Variants in CNKSR3 observed in about 807,000 individuals in gnomAD.
CNKSR3 encodes the protein CNKSR family member 3.
A neutral mutation model predicts 67.7 loss-of-function variants in CNKSR3; 36 were observed. That is an observed-to-expected ratio of 0.53 (90% CI 0.41 to 0.70). The LOEUF (loss-of-function observed/expected upper bound fraction) is 0.70. Ranked by LOEUF, CNKSR3 falls within the 30% of genes least tolerant of loss-of-function variation. The pLI, the probability that CNKSR3 is intolerant of heterozygous loss-of-function variation, is 0.00. For synonymous variants in CNKSR3, 281 were observed against 271.4 expected, an observed-to-expected ratio of 1.04 and a Z score of -0.35; for missense variants, 630 against 695.2, an observed-to-expected ratio of 0.91 and a Z score of 1.05.
intron 7 of CNKSR3, among the ~76,000 whole-genome samples, chr6:154,426,963 G>A (rs1785268903): frequency 6.6e-6 from 1 of 152,182 alleles, no homozygotes; most frequent in Non-Finnish European, 1.5e-5. Flanking sequence ...AGAATCGTGT[G>A]TTGCATCTTG....
chr6:154,431,432 G>A (rs761451807), intron 5 of CNKSR3, among the ~76,000 whole-genome samples: 17 of 111,928 alleles, frequency 1.5e-4, no homozygotes, highest in Non-Finnish European at 1.8e-4. Context: ...AACAGAGCGA[G>A]ACTCTGTCAA....
At chr6:154,418,389 C>T (rs1776560773) in intron 9 of CNKSR3, among the ~76,000 whole-genome samples, 1 of 152,196 alleles carries the variant, frequency 6.6e-6, no homozygotes, top group South Asian at 2.1e-4. Context: ...TTATCTAAGA[C>T]ACCGCCCTTC....
chr6:154,504,210 C>T (rs533766854), intron 1 of CNKSR3, among the ~76,000 whole-genome samples: 12 of 152,294 alleles, frequency 7.9e-5, no homozygotes, highest in African/African-American at 2.6e-4. Context: ...GGAAAGCTCA[C>T]GAAATTTGCA....
chr6:154,432,189 T>C (rs1359430149), intron 5 of CNKSR3, among the ~76,000 whole-genome samples: 1 of 152,230 alleles, frequency 6.6e-6, no homozygotes, highest in Non-Finnish European at 1.5e-5. Context: ...GTGTTTCATA[T>C]TTTAGCCTAT....
At chr6:154,446,419 G>T (rs1785707575) in intron 2 of CNKSR3, among the ~76,000 whole-genome samples, 1 of 151,612 alleles carries the variant, frequency 6.6e-6, no homozygotes, top group East Asian at 1.9e-4. Context: ...AAGAAATATA[G>T]TTCACAATTT....
At chr6:154,423,217 C>CAGATTAGATT (rs1218843394) in intron 7 of CNKSR3, among the ~76,000 whole-genome samples, 2 of 152,128 alleles carry the variant, frequency 1.3e-5, no homozygotes, top group Non-Finnish European at 2.9e-5. Flanking sequence ...TCTGTTAGAA[C>CAGATTAGATT]AGCCAGGTTC....
rs764342750 is a variant in CNKSR3 at position 154,410,973 on chromosome 6, T to C, written c.1240A>G (p.Ile414Val). 5 of 1,613,680 alleles carry C rather than the reference T, an allele frequency of 3.1e-6. No homozygotes were observed. The Admixed American group carries it at 8.3e-5, about 27-fold the overall frequency. ...QLPGYSVETN[I>V]LPTKMREKTP... ...TTCTCTCTCATTTTTGTGGGCAGAA[T>C]GTTGGTTTCCACCGAGTACCCAGGC... Residue 414 changes from isoleucine to valine, a missense_variant, in exon 11 of 13, where the codon ATT (isoleucine) becomes GTT (valine). Physicochemically the swap from Ile to Val is conservative, Grantham distance 29. Coordinates refer to ENST00000607772, the MANE Select transcript of CNKSR3 (RefSeq NM_173515.4).
At chr6:154,454,073 CA>C (rs1785895052) in intron 1 of CNKSR3, among the ~76,000 whole-genome samples, 1 of 115,524 alleles carries the variant, frequency 8.7e-6, no homozygotes, top group Admixed American at 9.5e-5. Flanking sequence ...ATCCCAAATG[CA>C]AGATGAAAAC....
At chr6:154,435,852 C>T (rs1203601649) in intron 4 of CNKSR3, among the ~76,000 whole-genome samples, 1 of 152,230 alleles carries the variant, frequency 6.6e-6, no homozygotes, top group Admixed American at 6.5e-5. Context: ...TTCTCTGAGC[C>T]TTAGTTTCCT....
intron 4 of CNKSR3, among the ~76,000 whole-genome samples, chr6:154,440,578 T>C (rs1425661370): frequency 6.6e-6 from 1 of 152,208 alleles, no homozygotes; most frequent in Admixed American, 6.5e-5. Context: ...TCCTGAGCCT[T>C]TACTAAGATA....
At chr6:154,422,752 A>G in intron 8 of CNKSR3, 100 bp from the exon 9 acceptor site, 2 of 1,345,674 alleles carry the variant, frequency 1.5e-6, no homozygotes, top group Non-Finnish European at 2.1e-6. Context: ...GTGAGCAGAT[A>G]CATAGAAACA....
chr6:154,438,086 G>A (rs1045743696), intron 4 of CNKSR3, among the ~76,000 whole-genome samples: 12 of 152,092 alleles, frequency 7.9e-5, no homozygotes, highest in Admixed American at 5.9e-4. Flanking sequence ...ATGAGCCACC[G>A]CACCTGGCCC....
At chr6:154,451,553 ACAC>A (rs572011444) in intron 1 of CNKSR3, among the ~76,000 whole-genome samples, 4 of 152,038 alleles carry the variant, frequency 2.6e-5, no homozygotes, top group African/African-American at 9.7e-5. Flanking sequence ...AGATGCACAC[ACAC>A]ATTTATTTCA....
At chr6:154,504,350 A>T (rs144913037) in intron 1 of CNKSR3, among the ~76,000 whole-genome samples, 1 of 152,232 alleles carries the variant, frequency 6.6e-6, no homozygotes, top group Non-Finnish European at 1.5e-5. Context: ...GGATGATAAG[A>T]ATACACCTTA....
At chr6:154,437,728 T>C (rs907854223) in intron 4 of CNKSR3, among the ~76,000 whole-genome samples, 1 of 146,868 alleles carries the variant, frequency 6.8e-6, no homozygotes, top group Non-Finnish European at 1.5e-5. Context: ...GTTCTTCAAT[T>C]ACTACAGAAC....
chr6:154,397,724 T>G lies in CNKSR3; in HGVS notation c.*8630A>C. Reference sequence around the variant, plus strand: ...CTGCAAACAGATGAGTAAAAGCAAATCTGCGGCCATCACTAGGTGCACAGT... The same window carrying G: ...CTGCAAACAGATGAGTAAAAGCAAAGCTGCGGCCATCACTAGGTGCACAGT... On this transcript the variant is annotated 3_prime_UTR_variant, in exon 13 of 13. Transcript: ENST00000607772. 6.9e-6 allele frequency: 1 copy of G among 144,602 alleles called. No homozygotes were observed. The highest frequency in any genetic ancestry group is 6.9e-5 in the Admixed American group (1 of 14,412). The allele number at this position is 144,602 out of a possible 1,614,324, so 9.0% of individuals were successfully genotyped here.
chr6:154,491,226 C>T (rs1179956600), intron 1 of CNKSR3, among the ~76,000 whole-genome samples: 2 of 152,178 alleles, frequency 1.3e-5, no homozygotes, highest in African/African-American at 2.4e-5. Context: ...GATACTCCTC[C>T]CTCTGCACTT....
At chr6:154,466,659 G>T (rs572604676) in intron 1 of CNKSR3, among the ~76,000 whole-genome samples, 39 of 152,126 alleles carry the variant, frequency 2.6e-4, no homozygotes, top group African/African-American at 8.2e-4. Flanking sequence ...TAGCTCTGTC[G>T]CTCAGGCTAG....
chr6:154,448,004 T>C (rs1460765220), intron 2 of CNKSR3, among the ~76,000 whole-genome samples: 3 of 152,180 alleles, frequency 2.0e-5, no homozygotes, highest in Non-Finnish European at 4.4e-5. Flanking sequence ...CACACTCTTT[T>C]GTGAACCCCT....
Sources: allele counts gnomAD v4.1 joint callset (sites outside exome capture counted in the v4.1 genomes callset), GRCh38; gene constraint gnomAD v4.1.1; transcripts MANE v1.5; gene names NCBI Gene and HGNC (gene_info 2026-07-23, HGNC 2026-07-21).